ZNF335: variants seen among roughly 807,000 people sequenced by gnomAD.
ZNF335 encodes zinc finger protein 335, also known as NRC-interacting factor 1.
In ZNF335, 84 loss-of-function variants were observed where a neutral mutation model predicts 145.6. That is an observed-to-expected ratio of 0.58 (90% confidence interval 0.48 to 0.69). The LOEUF (loss-of-function observed/expected upper bound fraction) is 0.69, where lower values mean the gene tolerates loss of function less well. ZNF335 is among the 30% of genes least tolerant of loss of function. ZNF335 has a pLI of 0.00. For synonymous variants in ZNF335, 761 were observed against 717.0 expected (o/e 1.06, Z -0.98); for missense variants, 1,865 against 1,809.7 (o/e 1.03, Z -0.55).
chr20:45,956,254 G>C (rs2083726933), intron 17 of ZNF335, among the ~76,000 whole-genome samples: 2 of 150,648 alleles, frequency 1.3e-5, no homozygotes, highest in Admixed American at 1.3e-4. Context: ...TTTTTAGATG[G>C]AGTTTTGCTC....
At position 45,953,563 on chromosome 20, in the gene ZNF335, C is replaced by G. The variant is rs147835687; in HGVS notation, c.2702+126G>C. 5.4e-4 allele frequency: 688 copies of G among 1,271,862 alleles called. 4 individuals carry two copies. The African/African-American group carries it at 9.4e-3, about 17-fold the overall frequency. The allele number at this position is 1,271,862 out of a possible 1,614,324, so 78.8% of individuals were successfully genotyped here. A position where few individuals can be genotyped will look rare whatever the true frequency, so the allele number is the denominator to read the frequency against. On this transcript the variant is annotated intron_variant, in intron 18 of 27. Coordinates refer to ENST00000322927, the MANE Select transcript of ZNF335 (RefSeq NM_022095.4). ...ACCTCCTGAGAAGGGTAGACTCCAC[C>G]ACTAATCACTTGATGTGTATTGGGA... is the stretch of plus-strand genomic sequence containing the variant.
At chr20:45,971,951 G>T in intron 1 of ZNF335, 171 bp downstream of exon 1, 1 of 985,446 alleles carries the variant, frequency 1.0e-6, no homozygotes, top group Non-Finnish European at 1.2e-6. Context: ...ATCTTGTGGT[G>T]GCGCCGGGTT....
At chr20:45,967,322 A>G in intron 6 of ZNF335, 172 bp downstream of exon 6, 1 of 938,600 alleles carries the variant, frequency 1.1e-6, no homozygotes, top group East Asian at 2.6e-5. Flanking sequence ...TGCACCCTGC[A>G]CAACTGCACA....
Position 45,948,920 on chromosome 20 carries a change from G to A in ZNF335, c.*33C>T, listed in dbSNP as rs372087540. The A allele has an allele frequency of 5.6e-5, 91 of 1,613,218 alleles. No homozygotes were observed. The highest frequency in any genetic ancestry group is 1.6e-4 in the Middle Eastern group (1 of 6,082). ...CCCCCTACCCCCAGGAGAGCTGGCC[G>A]CAAATCCATGATCTGTGTTGGGCCC... is the stretch of plus-strand genomic sequence containing the variant. On this transcript the variant is annotated 3_prime_UTR_variant, in exon 28 of 28. Coordinates refer to ENST00000322927, the MANE Select transcript of ZNF335 (RefSeq NM_022095.4).
In ZNF335 at chr20:45,952,446, A is replaced by G; in HGVS notation, c.2890T>C (p.Cys964Arg). The change falls in exon 20 of 28, where the codon TGT becomes CGT. Residue 964 changes from cysteine to arginine, a missense_variant. Physicochemically the swap from Cys to Arg is radical, Grantham distance 180. Transcript: ENST00000322927. ...GGGCCGTCTCTGGGCAGTCCCCCACACTGCAGCAGGGGCCATTTGGCACCA... is the reference window on the plus strand; with the variant it reads ...GGGCCGTCTCTGGGCAGTCCCCCACGCTGCAGCAGGGGCCATTTGGCACCA... ...ASGAKWPLLQ[C>R]GGLPRDGPEP... 1.3e-6 allele frequency: 2 copies of G among 1,564,718 alleles called. No homozygotes were observed. The highest frequency in any genetic ancestry group is 1.7e-6 in the Non-Finnish European group (2 of 1,152,506).
At chr20:45,953,303 G>A (rs149686133) in intron 18 of ZNF335, among the ~76,000 whole-genome samples, 1 of 152,214 alleles carries the variant, frequency 6.6e-6, no homozygotes, top group African/African-American at 2.4e-5. Context: ...CGGAGTGTCA[G>A]AACTGAAGAA....
At position 45,969,696 on chromosome 20, in the gene ZNF335, G is replaced by A; in HGVS notation, c.202-5C>T. 1 of 1,610,356 alleles carries A rather than the reference G, an allele frequency of 6.2e-7. No individual in the cohort carries two copies. The highest frequency in any genetic ancestry group is 8.5e-7 in the Non-Finnish European group (1 of 1,178,700). On this transcript the variant is annotated splice_region_variant and splice_polypyrimidine_tract_variant and intron_variant, in intron 2 of 27. Transcript: ENST00000322927. ...GCTGCTCTCAGATACCTCCTCCTGA[G>A]GGGCATGAAACAGGGAGGGAAAAAG... is the stretch of plus-strand genomic sequence containing the variant.
rs1271574368 is a variant in ZNF335 at position 45,971,438 on chromosome 20, G to A, written c.-28C>T. ...GATCGGCGGGCTGCCTGACAGCGGGGCGTAGGGTCTGGGAACTTCACTCTG... is the reference window on the plus strand; with the variant it reads ...GATCGGCGGGCTGCCTGACAGCGGGACGTAGGGTCTGGGAACTTCACTCTG... On this transcript the variant is annotated 5_prime_UTR_variant, in exon 2 of 28. Transcript: ENST00000322927. The A allele has an allele frequency of 2.5e-6, 4 of 1,596,982 alleles. No homozygotes were observed. The highest frequency in any genetic ancestry group is 3.4e-6 in the Non-Finnish European group (4 of 1,178,962).
At chr20:45,965,593 C>G in intron 7 of ZNF335, 35 bp downstream of exon 7, 1 of 1,579,578 alleles carries the variant, frequency 6.3e-7, no homozygotes, top group Non-Finnish European at 8.6e-7. Flanking sequence ...ACTCCTGACC[C>G]ACCCACACGA....
At chr20:45,952,567 TGGG>T in intron 19 of ZNF335, 28 bp downstream of exon 19, 1 of 1,609,806 alleles carries the variant, frequency 6.2e-7, no homozygotes. Context: ...GGGAGGGAGG[TGGG>T]GGAGTGGTTG....
Position 45,952,130 on chromosome 20 carries a change from G to C in ZNF335, c.3189+17C>G, listed in dbSNP as rs780600507. 1 of 1,572,850 alleles carries C rather than the reference G, an allele frequency of 6.4e-7. No individual in the cohort carries two copies. The highest frequency in any genetic ancestry group is 8.6e-7 in the Non-Finnish European group (1 of 1,158,180). ...CCAATGAATGACAGCAGAGACACAG[G>C]AGCAACCAGCACCTACCCGGACCTC... On this transcript the variant is annotated intron_variant, in intron 20 of 27. Transcript: ENST00000322927.
In ZNF335 at chr20:45,953,798, C is replaced by T; in HGVS notation, c.2593G>A (p.Asp865Asn). ...GGTGCCAGGGTGATCTGCGGTAGGT[C>T]AGGAGGGCCTAGCTGGCTCTCGGCT... Reference protein sequence around the residue: ...AAAESQLGPPDLPQITLAPGP... With the variant: ...AAAESQLGPPNLPQITLAPGP... Residue 865 changes from aspartate (D) to asparagine (N), a missense_variant, in exon 18 of 28, where the codon GAC becomes AAC. By Grantham distance (23) the Asp-to-Asn change is conservative. Coordinates refer to ENST00000322927, the MANE Select transcript of ZNF335 (RefSeq NM_022095.4). 6.2e-7 allele frequency: 1 copy of T among 1,614,158 alleles called. No individual in the cohort carries two copies. Among genetic ancestry groups the T allele is most frequent in the Non-Finnish European group, 8.5e-7 (1 of 1,180,030 alleles).
chr20:45,957,276 G>A (rs1421240624), intron 17 of ZNF335, among the ~76,000 whole-genome samples: 3 of 152,224 alleles, frequency 2.0e-5, no homozygotes, highest in Non-Finnish European at 4.4e-5. Flanking sequence ...GGCACATGGT[G>A]GTTGCAGAGG....
chr20:45,957,359 G>A (rs905337788), intron 17 of ZNF335, among the ~76,000 whole-genome samples: 3 of 152,210 alleles, frequency 2.0e-5, no homozygotes, highest in African/African-American at 7.2e-5. Flanking sequence ...CCTGGCAGAG[G>A]TCACCAGTGA....
At position 45,971,191 on chromosome 20, in the gene ZNF335, C is replaced by T. The variant is rs776466396; in HGVS notation, c.201+19G>A. 1 of 1,503,502 alleles carries T rather than the reference C, an allele frequency of 6.7e-7. No individual in the cohort carries two copies. 93.1% of individuals were successfully genotyped at this position (1,503,502 alleles called of 1,614,324 possible). ...TCGCGGTCCTTGCCTCCACCCACGC[C>T]GTCCAGCCGGGTCCATACCTGAGAA... On this transcript the variant is annotated intron_variant, in intron 2 of 27. Coordinates refer to ENST00000322927, the MANE Select transcript of ZNF335 (RefSeq NM_022095.4).
Position 45,953,682 on chromosome 20 carries a change from G to T in ZNF335, c.2702+7C>A. The T allele has an allele frequency of 6.2e-7, 1 of 1,613,432 alleles. No individual in the cohort carries two copies. The highest frequency in any genetic ancestry group is 8.5e-7 in the Non-Finnish European group (1 of 1,179,534). Reference sequence around the variant, plus strand: ...CTGAAAGGGGCCTTGCAGGCAGCAGGTCTCACCTGTAAGGTGTGCCAGGAG... The same window carrying T: ...CTGAAAGGGGCCTTGCAGGCAGCAGTTCTCACCTGTAAGGTGTGCCAGGAG... On this transcript the variant is annotated splice_region_variant and intron_variant, in intron 18 of 27. Coordinates refer to ENST00000322927, the MANE Select transcript of ZNF335 (RefSeq NM_022095.4).
At position 45,971,255 on chromosome 20, in the gene ZNF335, A is replaced by C; in HGVS notation, c.156T>G (p.Asp52Glu). 6.4e-7 allele frequency: 1 copy of C among 1,560,422 alleles called. No individual in the cohort carries two copies. Residue 52 changes from aspartate (D) to glutamate (E), a missense_variant, in exon 2 of 28, where the codon GAT becomes GAG. Physicochemically the swap from Asp to Glu is conservative, Grantham distance 45 (BLOSUM62 2). Coordinates refer to ENST00000322927, the MANE Select transcript of ZNF335 (RefSeq NM_022095.4). ...AAAAPGQAEA[D>E]DSGVGQSSDR... is the part of the protein sequence containing the mutation. ...CCGAGCTTTGCCCCACGCCAGAGTC[A>C]TCGGCCTCTGCCTGCCCCGGGGCGG...
rs1274234202 is a variant in ZNF335, at chr20:45,960,634, C to T, written c.1764G>A (p.Lys588=). The change falls in exon 12 of 28, where the codon AAG becomes AAA. Residue 588 remains lysine (K), a synonymous_variant. Coordinates refer to ENST00000322927, the MANE Select transcript of ZNF335 (RefSeq NM_022095.4). ...TQHMKTHSTE[K]PHMCDKCGKS... ...CACCCACCTTGTCACACATGTGGGGCTTCTCAGTGCTGTGCGTCTTCATGT... is the reference window on the plus strand; with the variant it reads ...CACCCACCTTGTCACACATGTGGGGTTTCTCAGTGCTGTGCGTCTTCATGT... 2.3e-5 allele frequency: 37 copies of T among 1,614,152 alleles called. No homozygotes were observed. Among genetic ancestry groups the T allele is most frequent in the Non-Finnish European group, 3.1e-5 (37 of 1,180,020 alleles).
At chr20:45,966,085 A>G (rs1390873343) in intron 6 of ZNF335, among the ~76,000 whole-genome samples, 1 of 152,168 alleles carries the variant, frequency 6.6e-6, no homozygotes, top group Non-Finnish European at 1.5e-5. Context: ...TAAACATTGA[A>G]GTCCACAAAC....
Sources: allele counts gnomAD v4.1 joint callset (sites outside exome capture counted in the v4.1 genomes callset), GRCh38; gene constraint gnomAD v4.1.1; transcripts MANE v1.5; gene names NCBI Gene and HGNC (gene_info 2026-07-23, HGNC 2026-07-21).